The following CTDP1 variants were observed in gnomAD, a reference collection of about 807,000 sequenced individuals.
CTDP1 encodes CTD phosphatase 1.
Under a neutral mutation model 91.8 loss-of-function variants are expected in CTDP1, and 47 were observed. That is an observed-to-expected ratio of 0.51 (90% CI 0.41 to 0.65). The LOEUF (loss-of-function observed/expected upper bound fraction) is 0.65. CTDP1 is among the 30% of genes least tolerant of loss of function. The pLI is 0.00. For missense variants in CTDP1, 1,272 were observed against 1,373.7 expected, an observed-to-expected ratio of 0.93 and a Z score of 1.17; for synonymous variants, 656 against 598.5, an observed-to-expected ratio of 1.10 and a Z score of -1.40.
chr18:79,736,347 T>C lies in CTDP1; in HGVS notation c.2581-8T>C. On this transcript the variant is annotated splice_polypyrimidine_tract_variant and splice_region_variant and intron_variant, in intron 11 of 12. Coordinates refer to ENST00000613122, the MANE Select transcript of CTDP1 (RefSeq NM_004715.5). Reference sequence around the variant, plus strand: ...GAGGTCTGTCGCTGACTCTTGGCTGTTTGTCAGGTGGACGACATCCTTGGA... The same window carrying C: ...GAGGTCTGTCGCTGACTCTTGGCTGCTTGTCAGGTGGACGACATCCTTGGA... The C allele has an allele frequency of 6.5e-7, 1 of 1,548,974 alleles. No individual in the cohort carries two copies. Among genetic ancestry groups the C allele is most frequent in the Non-Finnish European group, 8.7e-7 (1 of 1,146,956 alleles).
rs535423584 is a variant in CTDP1, at chr18:79,743,467, G to A, written c.2747+6946G>A. Among the ~76,000 whole-genome samples the A allele has an allele frequency of 8.0e-5, 12 of 150,078 alleles. No homozygotes were observed. In the East Asian group the frequency reaches 9.9e-4, roughly 12 times the overall value. On this transcript the variant is annotated intron_variant, in intron 12 of 12. Coordinates refer to ENST00000613122, the MANE Select transcript of CTDP1 (RefSeq NM_004715.5). ...CTTGAACCCAGGAGGTGGAGGTTGCGGTGAGCCGAGATCGTGCCACTACAC... is the reference window on the plus strand; with the variant it reads ...CTTGAACCCAGGAGGTGGAGGTTGCAGTGAGCCGAGATCGTGCCACTACAC...
At chr18:79,737,098 A>G (rs2122789825) in intron 12 of CTDP1, among the ~76,000 whole-genome samples, 1 of 152,344 alleles carries the variant, frequency 6.6e-6, no homozygotes, top group East Asian at 1.9e-4. Context: ...GGAAGAGCTG[A>G]GCACCGTGGT....
In CTDP1 at chr18:79,697,842, G is replaced by C. The variant is rs756359388; in HGVS notation, c.493-18G>C. 2 of 1,614,084 alleles carry C rather than the reference G, an allele frequency of 1.2e-6. No homozygotes were observed. The highest frequency in any genetic ancestry group is 1.7e-5 in the Admixed American group (1 of 60,018). On this transcript the variant is annotated intron_variant, in intron 3 of 12. Coordinates refer to ENST00000613122, the MANE Select transcript of CTDP1 (RefSeq NM_004715.5). The stretch of plus-strand genomic sequence containing the variant: ...AAACATACTGACTTTGTCATTTCTT[G>C]TTTCTTTTTAATTGTAGCAAGCTGA...
intron 1 of CTDP1, among the ~76,000 whole-genome samples, chr18:79,691,584 G>A (rs12965604): frequency 2.0e-4 from 2 of 10,090 alleles, no homozygotes; most frequent in African/African-American, 4.6e-4. Context: ...TCGGGGTGGG[G>A]GAGGAGTGGA....
chr18:79,711,188 G>A (rs1433330359), intron 6 of CTDP1, among the ~76,000 whole-genome samples: 2 of 151,798 alleles, frequency 1.3e-5, no homozygotes, highest in South Asian at 4.2e-4. Context: ...TCTGTCAGAC[G>A]GCACTGATTC....
At chr18:79,727,173 G>A (rs555496689) in intron 10 of CTDP1, among the ~76,000 whole-genome samples, 5 of 152,300 alleles carry the variant, frequency 3.3e-5, no homozygotes, top group African/African-American at 1.2e-4. Context: ...GTGTTTGGCG[G>A]GAGTAGAGCA....
At position 79,714,684 on chromosome 18, in the gene CTDP1, C is replaced by T. The variant is rs780939465; in HGVS notation, c.1224C>T (p.Pro408=). The change falls in exon 8 of 13, where the codon CCC becomes CCT. Residue 408 remains proline (P), a synonymous_variant. Transcript: ENST00000613122. ...PGKPDERDIW[P]PAQAPTSSQE... ...AGCCAGACGAGAGGGACATCTGGCC[C>T]CCTGCCCAGGCCCCCACCAGCAGCC... is the stretch of plus-strand genomic sequence containing the variant. 2 of 1,610,588 alleles carry T rather than the reference C, an allele frequency of 1.2e-6. No homozygotes were observed. Among genetic ancestry groups the T allele is most frequent in the Non-Finnish European group, 8.5e-7 (1 of 1,178,922 alleles).
chr18:79,697,141 G>A (rs568821984), intron 3 of CTDP1, among the ~76,000 whole-genome samples: 60 of 148,988 alleles, frequency 4.0e-4, no homozygotes, highest in Admixed American at 1.3e-3. Context: ...AAGGGAGGAG[G>A]AAGTACCCCC....
chr18:79,753,604 G>A (rs368820962), intron 12 of CTDP1, 48 bp from the exon 13 acceptor site: 45 of 1,613,788 alleles, frequency 2.8e-5, no homozygotes, highest in African/African-American at 5.3e-5. Flanking sequence ...GTGACCCGGC[G>A]TTGTGCGTTT....
At chr18:79,722,226 A>G (rs1315682768) in intron 10 of CTDP1, among the ~76,000 whole-genome samples, 1 of 152,244 alleles carries the variant, frequency 6.6e-6, no homozygotes, top group African/African-American at 2.4e-5. Context: ...GAAGTCAAAC[A>G]CTTTTACTTG....
chr18:79,747,652 C>G (rs988631861), intron 12 of CTDP1, among the ~76,000 whole-genome samples: 3 of 152,248 alleles, frequency 2.0e-5, no homozygotes, highest in South Asian at 2.1e-4. Context: ...CGTTCCACTC[C>G]AGGGTGCACT....
intron 1 of CTDP1, among the ~76,000 whole-genome samples, chr18:79,690,917 G>A (rs139890316): frequency 6.6e-6 from 1 of 152,210 alleles, no homozygotes; most frequent in Non-Finnish European, 1.5e-5. Flanking sequence ...GATTTTCTAC[G>A]AAGGCCTGTG....
chr18:79,694,846 A>C (rs540160889), intron 1 of CTDP1, among the ~76,000 whole-genome samples: 1 of 152,356 alleles, frequency 6.6e-6, no homozygotes, highest in South Asian at 2.1e-4. Context: ...ATGATATGAA[A>C]GTTTTAGATT....
intron 3 of CTDP1, 28 bp from the exon 4 acceptor site, chr18:79,697,832 G>T: frequency 8.7e-6 from 14 of 1,614,064 alleles, no homozygotes; most frequent in Non-Finnish European, 1.1e-5. Flanking sequence ...TACTGACTTT[G>T]TCATTTCTTG....
At chr18:79,682,398 T>C (rs1388803567) in intron 1 of CTDP1, among the ~76,000 whole-genome samples, 2 of 152,204 alleles carry the variant, frequency 1.3e-5, no homozygotes, top group African/African-American at 2.4e-5. Context: ...GGACTTGTGG[T>C]GGCTTTGCTG....
rs115172529 is a variant in CTDP1, at chr18:79,732,818, C to G, written c.2581-3537C>G. On this transcript the variant is annotated intron_variant, in intron 11 of 12. Transcript: ENST00000613122. ...TCCCTAACAGGAGTGCTCCCAAAAT[C>G]ATGAGATGTAAGAACTCAGCTGTCA... 3.5e-3 allele frequency among the ~76,000 whole-genome samples: 525 copies of G among 151,306 alleles called. 4 individuals carry two copies. The highest frequency in any genetic ancestry group is 0.011 in the African/African-American group (465 of 41,124).
At position 79,682,771 on chromosome 18, in the gene CTDP1, C is replaced by T. The variant is rs115629157; in HGVS notation, c.314+2510C>T. ...TGAAGGAGTCCTGCAGCCCGTCCCC[C>T]GTGAGAATGAGGGACTGATTAAATA... On this transcript the variant is annotated intron_variant, in intron 1 of 12. Transcript: ENST00000613122. 3.4e-3 allele frequency among the ~76,000 whole-genome samples: 521 copies of T among 152,214 alleles called. 4 individuals are homozygous for T. The highest frequency in any genetic ancestry group is 0.011 in the African/African-American group (460 of 41,514).
In CTDP1 at chr18:79,736,498, C is replaced by T. The variant is rs775966859; in HGVS notation, c.2724C>T (p.Ser908=). ...GGGCACCTGCGTCCAGCGAGAGGAGCGCGGCAGGGGGCCGGGGGCCCAGGT... is the reference window on the plus strand; with the variant it reads ...GGGCACCTGCGTCCAGCGAGAGGAGTGCGGCAGGGGGCCGGGGGCCCAGGT... ...TLGAPASSER[S]AAGGRGPRGH... Residue 908 remains serine (S), a synonymous_variant, in exon 12 of 13, where the codon AGC becomes AGT. Coordinates refer to ENST00000613122, the MANE Select transcript of CTDP1 (RefSeq NM_004715.5). The T allele has an allele frequency of 4.5e-5, 70 of 1,545,960 alleles. 1 individual carries two copies. The South Asian group carries it at 6.7e-4, about 15-fold the overall frequency.
At chr18:79,696,918 TC>T (rs1270921394) in intron 3 of CTDP1, among the ~76,000 whole-genome samples, 1 of 152,232 alleles carries the variant, frequency 6.6e-6, no homozygotes, top group Non-Finnish European at 1.5e-5. Context: ...TTACAGACTT[TC>T]AGGGCTGCAC....
Sources: gnomAD v4.1 joint callset for allele counts (sites outside exome capture counted in the v4.1 genomes callset) on GRCh38, gnomAD v4.1.1 for gene constraint, MANE v1.5 for transcripts, NCBI Gene and HGNC (gene_info 2026-07-23, HGNC 2026-07-21) for gene names.